KHDRBS2: variants seen among roughly 807,000 people sequenced by gnomAD.
KHDRBS2 encodes the protein KH RNA binding domain containing, signal transduction associated 2.
In KHDRBS2, 26 loss-of-function variants were observed where a neutral mutation model predicts 44.3. The observed-to-expected ratio is 0.59, with a 90% CI of 0.43 to 0.81. KHDRBS2 has a LOEUF of 0.81. KHDRBS2 is among the 40% of genes least tolerant of loss of function. The pLI is 0.00. For synonymous variants in KHDRBS2, 194 were observed against 151.1 expected, an observed-to-expected ratio of 1.28 and a Z score of -2.08; for missense variants, 476 against 433.1, an observed-to-expected ratio of 1.10 and a Z score of -0.88.
intron 2 of KHDRBS2, among the ~76,000 whole-genome samples, chr6:62,122,474 A>C (rs1807894764): frequency 6.6e-6 from 1 of 152,248 alleles, no homozygotes; most frequent in Admixed American, 6.5e-5. Flanking sequence ...CCGTCATCAA[A>C]TGGAAGTGGT....
intron 2 of KHDRBS2, among the ~76,000 whole-genome samples, chr6:62,126,296 A>G (rs1354488734): frequency 6.6e-6 from 1 of 152,166 alleles, no homozygotes; most frequent in Non-Finnish European, 1.5e-5. Context: ...GCAGAACTTT[A>G]TCTTGTGTCT....
At chr6:61,863,288 C>A (rs965428918) in intron 6 of KHDRBS2, among the ~76,000 whole-genome samples, 4 of 147,692 alleles carry the variant, frequency 2.7e-5, no homozygotes, top group African/African-American at 9.9e-5. Flanking sequence ...TTTCAATCTC[C>A]TTCAGTTCAG....
intron 4 of KHDRBS2, among the ~76,000 whole-genome samples, chr6:61,949,696 A>T (rs1010294258): frequency 9.9e-5 from 15 of 152,066 alleles, no homozygotes; most frequent in Non-Finnish European, 1.8e-4. Flanking sequence ...TTATGTTTAT[A>T]GATAGTATTG....
intron 1 of KHDRBS2, among the ~76,000 whole-genome samples, chr6:62,215,651 T>A (rs1407723632): frequency 6.6e-6 from 1 of 151,902 alleles, no homozygotes; most frequent in African/African-American, 2.4e-5. Flanking sequence ...TGTTTATGTA[T>A]CTTCCCATAA....
At chr6:61,664,640 G>A in the KHDRBS2 span, among the ~76,000 whole-genome samples, 1 of 151,708 alleles carries the variant, frequency 6.6e-6, no homozygotes, top group African/African-American at 2.4e-5. Context: ...AAGTTTAAGA[G>A]ATGTCAAGCC....
intron 1 of KHDRBS2, among the ~76,000 whole-genome samples, chr6:62,231,857 T>C (rs1245875776): frequency 2.0e-5 from 3 of 152,234 alleles, no homozygotes; most frequent in Admixed American, 6.5e-5. Flanking sequence ...CTATATATGA[T>C]GCACTACTCA....
the KHDRBS2 span, among the ~76,000 whole-genome samples, chr6:61,557,650 G>C: frequency 6.6e-6 from 1 of 152,094 alleles, no homozygotes. Context: ...TAGCCTCATA[G>C]AGTGAGTTTG....
the KHDRBS2 span, among the ~76,000 whole-genome samples, chr6:61,630,010 G>A: frequency 6.6e-6 from 1 of 152,092 alleles, no homozygotes; most frequent in Non-Finnish European, 1.5e-5. Flanking sequence ...ACAGGTTTGT[G>A]GGTCAATACG....
chr6:61,899,737 C>CT (rs1554263652), intron 5 of KHDRBS2, among the ~76,000 whole-genome samples: 4 of 136,596 alleles, frequency 2.9e-5, no homozygotes, highest in Non-Finnish European at 6.4e-5. Flanking sequence ...TTTAATGCCC[C>CT]CCCCCCGCAT....
the KHDRBS2 span, among the ~76,000 whole-genome samples, chr6:61,562,909 T>C: frequency 6.6e-6 from 1 of 152,156 alleles, no homozygotes; most frequent in Non-Finnish European, 1.5e-5. Flanking sequence ...TTTAAAAACA[T>C]GTATATAATG....
chr6:61,652,623 A>T, the KHDRBS2 span, among the ~76,000 whole-genome samples: 1 of 152,204 alleles, frequency 6.6e-6, no homozygotes, highest in Admixed American at 6.6e-5. Context: ...CCCTGGAAAG[A>T]GCCAAGTTAG....
intron 1 of KHDRBS2, among the ~76,000 whole-genome samples, chr6:62,196,715 G>A (rs1161635071): frequency 6.6e-6 from 1 of 152,128 alleles, no homozygotes; most frequent in African/African-American, 2.4e-5. Context: ...AGGTAGATGA[G>A]CTTGAGGGAC....
intron 6 of KHDRBS2, among the ~76,000 whole-genome samples, chr6:61,868,559 T>G (rs1482284701): frequency 3.3e-5 from 5 of 152,088 alleles, no homozygotes; most frequent in African/African-American, 1.2e-4. Flanking sequence ...GAGGAATGGA[T>G]TGGGGTCCCA....
chr6:61,584,095 A>G, the KHDRBS2 span, among the ~76,000 whole-genome samples: 1 of 151,654 alleles, frequency 6.6e-6, no homozygotes, highest in African/African-American at 2.4e-5. Flanking sequence ...TAGCTTTAGT[A>G]CTTTTCTCAT....
At chr6:62,080,718 T>C (rs1172178831) in intron 2 of KHDRBS2, among the ~76,000 whole-genome samples, 1 of 152,112 alleles carries the variant, frequency 6.6e-6, no homozygotes, top group Middle Eastern at 3.2e-3. Context: ...CTCTGTGAAG[T>C]CTGTGAAACC....
intron 2 of KHDRBS2, among the ~76,000 whole-genome samples, chr6:62,074,686 G>T (rs1428587446): frequency 6.6e-6 from 1 of 151,864 alleles, no homozygotes; most frequent in Non-Finnish European, 1.5e-5. Context: ...AACATGTCCA[G>T]ATAGAGCTTT....
At chr6:62,169,059 A>ATATATATATATATATATATATATATATG (rs1338584117) in intron 2 of KHDRBS2, among the ~76,000 whole-genome samples, 5 of 139,618 alleles carry the variant, frequency 3.6e-5, no homozygotes, top group Non-Finnish European at 3.1e-5. Flanking sequence ...ATATATATAT[A>ATATATATATATATATATATATATATATG]TATGTATACA....
chr6:62,262,348 T>G (rs1310523886), intron 1 of KHDRBS2, among the ~76,000 whole-genome samples: 1 of 151,748 alleles, frequency 6.6e-6, no homozygotes, highest in African/African-American at 2.4e-5. Context: ...CCTCACCGAT[T>G]GCTTTATAAA....
At chr6:62,221,342 T>C (rs1254111122) in intron 1 of KHDRBS2, among the ~76,000 whole-genome samples, 1 of 152,048 alleles carries the variant, frequency 6.6e-6, no homozygotes, top group East Asian at 1.9e-4. Context: ...TCAAAGGATA[T>C]AAAGCAGCAG....
Sources: gnomAD v4.1 joint callset for allele counts (sites outside exome capture counted in the v4.1 genomes callset) on GRCh38, gnomAD v4.1.1 for gene constraint, MANE v1.5 for transcripts, NCBI Gene and HGNC (gene_info 2026-07-23, HGNC 2026-07-21) for gene names.